Variants in LRFN2 observed in about 807,000 individuals in gnomAD.
The protein encoded by LRFN2 is leucine-rich repeat and fibronectin type-III domain-containing protein 2.
A neutral mutation model predicts 37.3 loss-of-function variants in LRFN2; 18 were observed. The observed-to-expected ratio is 0.48, with a 90% CI of 0.33 to 0.72. The LOEUF (loss-of-function observed/expected upper bound fraction) is 0.72. LRFN2 is among the 30% of genes least tolerant of loss of function. The pLI is 0.02. For synonymous variants in LRFN2, 556 were observed against 466.6 expected, an observed-to-expected ratio of 1.19 and a Z score of -2.47; for missense variants, 1,006 against 1,060.7, an observed-to-expected ratio of 0.95 and a Z score of 0.72.
intron 1 of LRFN2, among the ~76,000 whole-genome samples, chr6:40,534,846 C>G (rs1766419957): frequency 6.6e-6 from 1 of 152,138 alleles, no homozygotes; most frequent in African/African-American, 2.4e-5. Flanking sequence ...TGAGCACTTC[C>G]TAAATGCCAG....
At chr6:40,505,947 G>T (rs997748870) in intron 1 of LRFN2, among the ~76,000 whole-genome samples, 3 of 152,220 alleles carry the variant, frequency 2.0e-5, no homozygotes, top group African/African-American at 7.2e-5. Flanking sequence ...GTGGCCAAGT[G>T]TGCACTGGAA....
intron 2 of LRFN2, among the ~76,000 whole-genome samples, chr6:40,411,885 C>T (rs893282448): frequency 1.3e-5 from 2 of 152,124 alleles, no homozygotes; most frequent in South Asian, 4.2e-4. Flanking sequence ...GCCTGTTGCC[C>T]GTTTTCCTCT....
At chr6:40,446,191 T>A (rs1470531938) in intron 1 of LRFN2, among the ~76,000 whole-genome samples, 1 of 152,220 alleles carries the variant, frequency 6.6e-6, no homozygotes, top group Admixed American at 6.5e-5. Context: ...AATAATCAAA[T>A]CTTCCTCCAG....
intron 1 of LRFN2, among the ~76,000 whole-genome samples, chr6:40,435,273 A>C (rs1362459594): frequency 6.7e-6 from 1 of 149,566 alleles, no homozygotes; most frequent in East Asian, 2.0e-4. Context: ...TGATTCTCCC[A>C]CCTTGGCCTC....
chr6:40,578,507 T>G (rs1378849038), intron 1 of LRFN2, among the ~76,000 whole-genome samples: 1 of 152,200 alleles, frequency 6.6e-6, no homozygotes, highest in African/African-American at 2.4e-5. Flanking sequence ...GCTGACTGCC[T>G]GGTAGGATTG....
intron 1 of LRFN2, among the ~76,000 whole-genome samples, chr6:40,562,833 A>ACT (rs1491374876): frequency 7.4e-6 from 1 of 135,426 alleles, no homozygotes; most frequent in East Asian, 2.2e-4. Flanking sequence ...GCGTGCACTC[A>ACT]CTCACACACA....
chr6:40,503,849 C>T (rs570450202), intron 1 of LRFN2, among the ~76,000 whole-genome samples: 1 of 151,662 alleles, frequency 6.6e-6, no homozygotes, highest in Non-Finnish European at 1.5e-5. Context: ...TTACTATGCT[C>T]GTTGGATGTA....
At chr6:40,465,757 C>T (rs1050575022) in intron 1 of LRFN2, among the ~76,000 whole-genome samples, 3 of 152,084 alleles carry the variant, frequency 2.0e-5, no homozygotes, top group Admixed American at 6.5e-5. Context: ...AGATACCCCA[C>T]AATACCAGGA....
intron 1 of LRFN2, among the ~76,000 whole-genome samples, chr6:40,554,812 C>A (rs1255961172): frequency 6.6e-6 from 1 of 152,134 alleles, no homozygotes; most frequent in Non-Finnish European, 1.5e-5. Context: ...CTCAGTCTAC[C>A]TTTTATCTCT....
intron 1 of LRFN2, among the ~76,000 whole-genome samples, chr6:40,574,172 G>A (rs1212341069): frequency 1.3e-5 from 2 of 152,188 alleles, no homozygotes; most frequent in Non-Finnish European, 2.9e-5. Flanking sequence ...TATAAATATG[G>A]TATAGACAAA....
chr6:40,503,977 C>T (rs1403607973), intron 1 of LRFN2, among the ~76,000 whole-genome samples: 1 of 149,462 alleles, frequency 6.7e-6, no homozygotes, highest in African/African-American at 2.4e-5. Flanking sequence ...AAAAAAGAGG[C>T]AATTCTAAGA....
At chr6:40,508,428 T>A (rs1045390604) in intron 1 of LRFN2, among the ~76,000 whole-genome samples, 4 of 152,118 alleles carry the variant, frequency 2.6e-5, no homozygotes, top group South Asian at 4.2e-4. Context: ...TCTGGAGGGG[T>A]CTGATCAGCA....
chr6:40,574,375 C>T (rs2113796193), intron 1 of LRFN2, among the ~76,000 whole-genome samples: 1 of 152,258 alleles, frequency 6.6e-6, no homozygotes, highest in East Asian at 1.9e-4. Flanking sequence ...GAGATTTGAA[C>T]CCAGCTGTCT....
At chr6:40,551,074 T>C (rs1766770967) in intron 1 of LRFN2, among the ~76,000 whole-genome samples, 1 of 151,898 alleles carries the variant, frequency 6.6e-6, no homozygotes, top group Admixed American at 6.6e-5. Context: ...AACGCAAGGA[T>C]GGATGAGGTT....
chr6:40,396,331 C>T (rs567957074), intron 2 of LRFN2, among the ~76,000 whole-genome samples: 1 of 152,308 alleles, frequency 6.6e-6, no homozygotes, highest in South Asian at 2.1e-4. Flanking sequence ...AGGGCCTCCG[C>T]ACCTGACCCC....
chr6:40,527,165 CT>C (rs1377460549), intron 1 of LRFN2, among the ~76,000 whole-genome samples: 1 of 152,162 alleles, frequency 6.6e-6, no homozygotes, highest in African/African-American at 2.4e-5. Context: ...GGAAATTGAT[CT>C]TCTTTGCACT....
At chr6:40,435,411 C>T (rs1440921249) in intron 1 of LRFN2, among the ~76,000 whole-genome samples, 2 of 152,152 alleles carry the variant, frequency 1.3e-5, no homozygotes, top group African/African-American at 4.8e-5. Flanking sequence ...CCTCCTGCTT[C>T]AGCCTCCCCA....
At chr6:40,497,530 G>T (rs188885036) in intron 1 of LRFN2, among the ~76,000 whole-genome samples, 3 of 152,114 alleles carry the variant, frequency 2.0e-5, no homozygotes, top group African/African-American at 7.2e-5. Flanking sequence ...TCAGGCACCC[G>T]TTACCATATT....
At chr6:40,487,991 C>T (rs1236821472) in intron 1 of LRFN2, among the ~76,000 whole-genome samples, 1 of 152,158 alleles carries the variant, frequency 6.6e-6, no homozygotes. Context: ...ATAGCAGTCC[C>T]CAGGCTCCCC....
Sources: allele counts gnomAD v4.1 joint callset (sites outside exome capture counted in the v4.1 genomes callset), GRCh38; gene constraint gnomAD v4.1.1; transcripts MANE v1.5; gene names NCBI Gene and HGNC (gene_info 2026-07-23, HGNC 2026-07-21).